The following CCDC90B variants were observed in gnomAD, a reference collection of about 807,000 sequenced individuals.
The protein encoded by CCDC90B is coiled-coil domain-containing protein 90B, mitochondrial.
Under a neutral mutation model 37.0 loss-of-function variants are expected in CCDC90B, and 24 were observed. The ratio of observed to expected loss-of-function variants is 0.65; its 90% CI spans 0.47 to 0.91. The LOEUF (loss-of-function observed/expected upper bound fraction) is 0.91. CCDC90B is among the 40% of genes least tolerant of loss of function. The probability of loss-of-function intolerance (pLI) is 0.00; values close to 1 mark genes in which losing one functional copy is unlikely to be tolerated. For missense variants in CCDC90B, 319 were observed against 299.0 expected (o/e 1.07, Z -0.49); for synonymous variants, 113 against 101.1 (o/e 1.12, Z -0.71).
intron 8 of CCDC90B, among the ~76,000 whole-genome samples, chr11:83,263,699 G>C (rs1412264114): frequency 4.6e-5 from 7 of 152,330 alleles, no homozygotes; most frequent in African/African-American, 1.4e-4. Flanking sequence ...ACTAAGGAAA[G>C]AGGGCAATCT....
chr11:83,285,583 C>T, intron 1 of CCDC90B: 3 of 1,279,672 alleles, frequency 2.3e-6, no homozygotes, highest in Non-Finnish European at 3.0e-6. Context: ...GATTACTAGC[C>T]TCTTGTCACC....
rs1803133109 is a variant in CCDC90B, at chr11:83,266,625, C to T, written c.595-646G>A. On this transcript the variant is annotated intron_variant, in intron 7 of 8. Transcript: ENST00000529689. The stretch of plus-strand genomic sequence containing the variant: ...GGGAGCTTGAACTGGGCTGAGCCCA[C>T]CACAGCACAACAATGCCTACTGTCT... Among the ~76,000 whole-genome samples the T allele has an allele frequency of 3.3e-5, 5 of 152,224 alleles. No individual in the cohort carries two copies. The South Asian group carries it at 1.0e-3, about 31-fold the overall frequency.
chr11:83,265,791 C>T, intron 8 of CCDC90B, 74 bp downstream of exon 8: 4 of 901,028 alleles, frequency 4.4e-6, no homozygotes, highest in Admixed American at 4.2e-5. Flanking sequence ...TTTCCTGTGC[C>T]TGCTCAGTTA....
chr11:83,265,261 G>A lies in CCDC90B; in HGVS notation c.709+604C>T, dbSNP rs1003981409. On this transcript the variant is annotated intron_variant, in intron 8 of 8. Coordinates refer to ENST00000529689, the MANE Select transcript of CCDC90B (RefSeq NM_021825.5). ...AGTATGTGACAAATAATCTAATTTT[G>A]GGATAGTGTCTATGCTGAATCAGTT... 4.6e-5 allele frequency among the ~76,000 whole-genome samples: 7 copies of A among 152,212 alleles called. 1 individual carries two copies. Among genetic ancestry groups the A allele is most frequent in the Admixed American group, 2.6e-4 (4 of 15,294 alleles).
At chr11:83,269,396 A>T (rs1371256020) in intron 7 of CCDC90B, among the ~76,000 whole-genome samples, 1 of 152,134 alleles carries the variant, frequency 6.6e-6, no homozygotes, top group African/African-American at 2.4e-5. Flanking sequence ...GATCAACAAA[A>T]TTGATAGACC....
At chr11:83,267,949 A>G (rs1480712285) in intron 7 of CCDC90B, among the ~76,000 whole-genome samples, 1 of 152,230 alleles carries the variant, frequency 6.6e-6, no homozygotes, top group Admixed American at 6.5e-5. Flanking sequence ...AGTGGGGGCC[A>G]ATATTCAACA....
Position 83,286,036 on chromosome 11 carries a change from G to A in CCDC90B, c.-64C>T. Reference sequence around the variant, plus strand: ...GGGTAAATCTCGCACAGGCTTTCGGGCAAGGTAGTTCTGGCACCACAGGAA... The same window carrying A: ...GGGTAAATCTCGCACAGGCTTTCGGACAAGGTAGTTCTGGCACCACAGGAA... On this transcript the variant is annotated 5_prime_UTR_variant, in exon 1 of 9. Coordinates refer to ENST00000529689, the MANE Select transcript of CCDC90B (RefSeq NM_021825.5). 1 of 1,555,682 alleles carries A rather than the reference G, an allele frequency of 6.4e-7. No homozygotes were observed.
intron 3 of CCDC90B, among the ~76,000 whole-genome samples, chr11:83,275,764 C>T (rs1339848129): frequency 1.3e-5 from 2 of 152,088 alleles, no homozygotes; most frequent in African/African-American, 4.8e-5. Flanking sequence ...TAGGTTTGAA[C>T]CCAAACTCTG....
intron 4 of CCDC90B, 44 bp from the exon 5 acceptor site, chr11:83,274,036 C>A: frequency 7.1e-7 from 1 of 1,404,770 alleles, no homozygotes; most frequent in Non-Finnish European, 9.4e-7. Flanking sequence ...TAAACCAAGT[C>A]TATATTATGA....
chr11:83,261,508 T>C lies in CCDC90B; in HGVS notation c.*403A>G, dbSNP rs978384048. The C allele has an allele frequency of 6.5e-6, 1 of 154,642 alleles. No homozygotes were observed. Among genetic ancestry groups the C allele is most frequent in the Non-Finnish European group, 1.4e-5 (1 of 69,746 alleles). 9.6% of individuals were successfully genotyped at this position (154,642 alleles called of 1,614,324 possible). A position where few individuals can be genotyped will look rare whatever the true frequency, so the allele number is the denominator to read the frequency against. ...GAAAAATGTAATTATGCAATGGTTA[T>C]CAGGAAAGTTAATTCAGTAATAAAT... is the stretch of plus-strand genomic sequence containing the variant. On this transcript the variant is annotated 3_prime_UTR_variant, in exon 9 of 9. Transcript: ENST00000529689.
At chr11:83,262,021 G>T in intron 8 of CCDC90B, 55 bp from the exon 9 acceptor site, 1 of 1,227,022 alleles carries the variant, frequency 8.1e-7, no homozygotes, top group Non-Finnish European at 1.2e-6. Flanking sequence ...ATTTTGCAGA[G>T]ATAAAGAGAA....
chr11:83,283,288 C>T (rs575767706), intron 1 of CCDC90B, among the ~76,000 whole-genome samples: 75 of 152,148 alleles, frequency 4.9e-4, no homozygotes, highest in Non-Finnish European at 1.0e-3. Context: ...TCAAGAATGG[C>T]TATTTGGATG....
rs771333175 is a variant in CCDC90B at position 83,282,816 on chromosome 11, C to T, written c.101-2556G>A. 2.6e-5 allele frequency among the ~76,000 whole-genome samples: 4 copies of T among 152,116 alleles called. No homozygotes were observed. In the East Asian group the frequency reaches 7.7e-4, roughly 29 times the overall value. ...TACTGCACAGGATTCTTTTGCAAAC[C>T]CTCTCATAATTTACACATTTATGTG... On this transcript the variant is annotated intron_variant, in intron 1 of 8. Transcript: ENST00000529689.
chr11:83,269,770 C>G (rs1028865741), intron 7 of CCDC90B, among the ~76,000 whole-genome samples: 6 of 152,154 alleles, frequency 3.9e-5, no homozygotes, highest in Non-Finnish European at 5.9e-5. Flanking sequence ...CTATTCCAAT[C>G]AACAGAAAAA....
chr11:83,274,679 AG>A lies in CCDC90B; in HGVS notation c.385del (p.Leu129Ter). ...LDAIRKDMVI[L>X]EKSEFANLRA... ...CAGATTTGCAAATTCACTTTTCTCT[AG>A]GATGACCATGTCTTTCCTGATAGCA... is the stretch of plus-strand genomic sequence containing the variant. On this transcript the variant is annotated frameshift_variant, in exon 4 of 9. Coordinates refer to ENST00000529689, the MANE Select transcript of CCDC90B (RefSeq NM_021825.5). LOFTEE classifies it high-confidence loss of function. The A allele has an allele frequency of 6.2e-7, 1 of 1,610,110 alleles. No homozygotes were observed. The highest frequency in any genetic ancestry group is 1.1e-5 in the South Asian group (1 of 90,472).
intron 3 of CCDC90B, among the ~76,000 whole-genome samples, chr11:83,277,372 AAAATGCATGTAC>A (rs1453180860): frequency 6.6e-6 from 1 of 152,220 alleles, no homozygotes; most frequent in Non-Finnish European, 1.5e-5. Context: ...TATGATCCTA[AAAATGCATGTAC>A]AAACTTAAAG....
chr11:83,260,412 C>T lies in CCDC90B; in HGVS notation c.*1499G>A, dbSNP rs1188732036. 1.3e-5 allele frequency: 2 copies of T among 152,086 alleles called. No homozygotes were observed. The highest frequency in any genetic ancestry group is 4.8e-5 in the African/African-American group (2 of 41,412). The allele number at this position is 152,086 out of a possible 1,614,324, so 9.4% of individuals were successfully genotyped here. Reference sequence around the variant, plus strand: ...ATTAATTGACTCAGTGAAAATTAATCTATAATATACTAAGAACTCTCTTAG... The same window carrying T: ...ATTAATTGACTCAGTGAAAATTAATTTATAATATACTAAGAACTCTCTTAG... On this transcript the variant is annotated 3_prime_UTR_variant, in exon 9 of 9. Coordinates refer to ENST00000529689, the MANE Select transcript of CCDC90B (RefSeq NM_021825.5).
At chr11:83,262,048 T>C (rs1177348677) in intron 8 of CCDC90B, 82 bp from the exon 9 acceptor site, 2 of 956,092 alleles carry the variant, frequency 2.1e-6, no homozygotes, top group Admixed American at 5.1e-5. Context: ...TATCTTTAAG[T>C]GAAGAGCAAA....
chr11:83,285,220 G>A (rs1415838036), intron 1 of CCDC90B: 6 of 1,285,478 alleles, frequency 4.7e-6, no homozygotes, highest in Non-Finnish European at 5.1e-6. Context: ...AACTGGGAGG[G>A]AAGTTAAAAA....
Sources: gnomAD v4.1 joint callset for allele counts (sites outside exome capture counted in the v4.1 genomes callset) on GRCh38, gnomAD v4.1.1 for gene constraint, MANE v1.5 for transcripts, NCBI Gene and HGNC (gene_info 2026-07-23, HGNC 2026-07-21) for gene names.